The following VMP1 variants were observed in gnomAD, a reference collection of about 807,000 sequenced individuals.
The protein encoded by VMP1 is vacuole membrane protein 1.
In VMP1, 11 loss-of-function variants were observed where a neutral mutation model predicts 56.0. That is an observed-to-expected ratio of 0.20 (90% CI 0.12 to 0.32). The LOEUF (loss-of-function observed/expected upper bound fraction) is 0.32. Ranked by LOEUF, VMP1 falls within the 10% of genes least tolerant of loss-of-function variation. The pLI, the probability that VMP1 is intolerant of heterozygous loss-of-function variation, is 1.00. For synonymous variants in VMP1, 149 were observed against 165.0 expected (o/e 0.90, Z 0.74); for missense variants, 296 against 490.3 (o/e 0.60, Z 3.74).
chr17:59,779,627 T>G (rs2036748831), intron 7 of VMP1, among the ~76,000 whole-genome samples: 1 of 152,202 alleles, frequency 6.6e-6, no homozygotes, highest in South Asian at 2.1e-4. Context: ...TGGGGTTATT[T>G]TTAGAACAAA....
At chr17:59,807,199 G>GTT (rs376878801) in intron 7 of VMP1, among the ~76,000 whole-genome samples, 40 of 132,604 alleles carry the variant, frequency 3.0e-4, no homozygotes, top group African/African-American at 5.0e-4. Context: ...TTGTTTTTTT[G>GTT]TTTTTTTTTT....
intron 1 of VMP1, among the ~76,000 whole-genome samples, chr17:59,719,619 T>C (rs1568018384): frequency 2.0e-5 from 3 of 152,238 alleles, no homozygotes; most frequent in Non-Finnish European, 2.9e-5. Flanking sequence ...AACTCTTATG[T>C]TACTCAGGGA....
chr17:59,832,111 A>ATTTT, intron 10 of VMP1, among the ~76,000 whole-genome samples: 1 of 151,652 alleles, frequency 6.6e-6, no homozygotes, highest in African/African-American at 2.4e-5. Flanking sequence ...ATATGAAGAT[A>ATTTT]CTACTACCCA....
chr17:59,712,490 C>A (rs75336521), intron 1 of VMP1, among the ~76,000 whole-genome samples: 78 of 152,262 alleles, frequency 5.1e-4, no homozygotes, highest in African/African-American at 1.8e-3. Flanking sequence ...AGATCATTTT[C>A]CAGTGACATC....
Position 59,784,300 on chromosome 17 carries a change from A to G in VMP1, c.714+10415A>G, listed in dbSNP as rs2036932296. Among the ~76,000 whole-genome samples, 3 of 152,032 alleles carry G rather than the reference A, an allele frequency of 2.0e-5. No individual in the cohort carries two copies. The South Asian group carries it at 6.2e-4, about 32-fold the overall frequency. On this transcript the variant is annotated intron_variant, in intron 7 of 11. Transcript: ENST00000262291. ...CTATGCGGTATTGTTCTTTTTCGTA[A>G]CTTTGCCTAGTGTGTCATTTCTTCC...
At chr17:59,769,238 T>G (rs1354957810) in intron 6 of VMP1, among the ~76,000 whole-genome samples, 1 of 149,862 alleles carries the variant, frequency 6.7e-6, no homozygotes, top group Non-Finnish European at 1.5e-5. Context: ...CACTGCAACC[T>G]CCGCCTCCCA....
At chr17:59,757,769 G>A (rs1328158331) in intron 5 of VMP1, among the ~76,000 whole-genome samples, 3 of 148,616 alleles carry the variant, frequency 2.0e-5, no homozygotes, top group African/African-American at 5.0e-5. Flanking sequence ...TGTCCAATAT[G>A]TTGCAAATAA....
chr17:59,717,885 A>C lies in VMP1; in HGVS notation c.-27+10137A>C, dbSNP rs928173711. On this transcript the variant is annotated intron_variant, in intron 1 of 11. Transcript: ENST00000262291. ...CAGTAAGCCGAGATGACACCACTAC[A>C]CTCCAGCCTGGATGACAGAGCAGAG... is the stretch of plus-strand genomic sequence containing the variant. 2.6e-5 allele frequency among the ~76,000 whole-genome samples: 4 copies of C among 151,774 alleles called. No individual in the cohort carries two copies. In the East Asian group the frequency reaches 7.8e-4, roughly 29 times the overall value.
intron 5 of VMP1, among the ~76,000 whole-genome samples, chr17:59,745,934 T>C (rs2035408436): frequency 6.6e-6 from 1 of 152,230 alleles, no homozygotes; most frequent in Non-Finnish European, 1.5e-5. Flanking sequence ...AATATGAATT[T>C]TTTTTCTGCA....
chr17:59,738,368 A>C (rs575278187), intron 4 of VMP1, among the ~76,000 whole-genome samples: 14 of 152,370 alleles, frequency 9.2e-5, no homozygotes, highest in African/African-American at 3.4e-4. Context: ...ATTTTAAAGC[A>C]GTTTACTGCC....
intron 7 of VMP1, among the ~76,000 whole-genome samples, chr17:59,794,058 C>A (rs1318997926): frequency 6.6e-6 from 1 of 151,154 alleles, no homozygotes; most frequent in Non-Finnish European, 1.5e-5. Flanking sequence ...GTAGCTGGGA[C>A]TACAAGCACC....
rs182410425 is a variant in VMP1 at position 59,801,625 on chromosome 17, T to C, written c.715-7171T>C. ...AAAAACATATTTAGGCCGGATGAGG[T>C]GGCTCATGCCTATAATCCCAGCACT... On this transcript the variant is annotated intron_variant, in intron 7 of 11. Transcript: ENST00000262291. Among the ~76,000 whole-genome samples the C allele has an allele frequency of 5.5e-3, 840 of 152,230 alleles. 4 individuals carry two copies. The highest frequency in any genetic ancestry group is 8.6e-3 in the Non-Finnish European group (583 of 68,018).
At chr17:59,781,775 C>T (rs1285151703) in intron 7 of VMP1, among the ~76,000 whole-genome samples, 1 of 152,002 alleles carries the variant, frequency 6.6e-6, no homozygotes, top group Non-Finnish European at 1.5e-5. Flanking sequence ...CTAACAGGTG[C>T]ATATATCTTT....
intron 6 of VMP1, among the ~76,000 whole-genome samples, chr17:59,766,941 G>A (rs537757482): frequency 2.6e-5 from 4 of 151,952 alleles, no homozygotes; most frequent in South Asian, 2.1e-4. Context: ...CACCACGCTC[G>A]GCTGATTTTT....
At chr17:59,813,264 A>G (rs2038114717) in intron 9 of VMP1, among the ~76,000 whole-genome samples, 1 of 152,134 alleles carries the variant, frequency 6.6e-6, no homozygotes, top group South Asian at 2.1e-4. Context: ...TTAATATTAC[A>G]GTGCTAGTTA....
intron 6 of VMP1, among the ~76,000 whole-genome samples, chr17:59,768,595 T>A (rs1363206887): frequency 6.6e-6 from 1 of 151,620 alleles, no homozygotes; most frequent in Non-Finnish European, 1.5e-5. Context: ...AGAGCAACTC[T>A]CCATCTCAAA....
At chr17:59,748,422 C>G (rs2035515255) in intron 5 of VMP1, among the ~76,000 whole-genome samples, 1 of 152,058 alleles carries the variant, frequency 6.6e-6, no homozygotes, top group African/African-American at 2.4e-5. Flanking sequence ...GAAATAGGGC[C>G]TCTTCAGAGT....
In VMP1 at chr17:59,811,829, A is replaced by G. The variant is rs754242315; in HGVS notation, c.912+43A>G. On this transcript the variant is annotated intron_variant, in intron 9 of 11. Transcript: ENST00000262291. ...TTCACTGCCTAATGATGATGAACCCATTACAAGACAATGAAACATGCTCAT... is the reference window on the plus strand; with the variant it reads ...TTCACTGCCTAATGATGATGAACCCGTTACAAGACAATGAAACATGCTCAT... 3 of 1,305,942 alleles carry G rather than the reference A, an allele frequency of 2.3e-6. No homozygotes were observed. The South Asian group carries it at 3.6e-5, about 16-fold the overall frequency. 80.9% of individuals were successfully genotyped at this position (1,305,942 alleles called of 1,614,324 possible).
intron 1 of VMP1, among the ~76,000 whole-genome samples, chr17:59,719,089 G>T (rs2034288178): frequency 1.3e-5 from 2 of 152,140 alleles, no homozygotes; most frequent in African/African-American, 4.8e-5. Context: ...CGTTTGTCAA[G>T]ATATATTACT....
Sources: gnomAD v4.1 joint callset for allele counts (sites outside exome capture counted in the v4.1 genomes callset) on GRCh38, gnomAD v4.1.1 for gene constraint, MANE v1.5 for transcripts, NCBI Gene and HGNC (gene_info 2026-07-23, HGNC 2026-07-21) for gene names.